Variants in CD274 observed in about 807,000 individuals in gnomAD.
The protein encoded by CD274 is CD274 molecule.
A neutral mutation model predicts 30.1 loss-of-function variants in CD274; 8 were observed. The ratio of observed to expected loss-of-function variants is 0.27; its 90% CI spans 0.16 to 0.48. The LOEUF is 0.48. Among genes scored for constraint, CD274 ranks in the 20% least tolerant of loss-of-function variants. The pLI, the probability that CD274 is intolerant of heterozygous loss-of-function variation, is 0.99. For missense variants in CD274, 353 were observed against 346.6 expected (o/e 1.02, Z -0.15); for synonymous variants, 152 against 124.6 (o/e 1.22, Z -1.46).
Position 5,468,375 on chromosome 9 carries a change from T to C in CD274, c.*513T>C, listed in dbSNP as rs543507323. On this transcript the variant is annotated 3_prime_UTR_variant, in exon 7 of 7. Coordinates refer to ENST00000381577, the MANE Select transcript of CD274 (RefSeq NM_014143.4). ...TCATGTGAGTGTGGTTGTGAATGAT[T>C]TCTTTTGAAGATATATTGTAGTAGA... The C allele has an allele frequency of 4.3e-6, 1 of 235,146 alleles. No individual in the cohort carries two copies. The highest frequency in any genetic ancestry group is 5.6e-5 in the Admixed American group (1 of 17,994). 14.6% of individuals were successfully genotyped at this position (235,146 alleles called of 1,614,324 possible).
chr9:5,464,189 CT>C (rs1819457910), intron 4 of CD274, among the ~76,000 whole-genome samples: 2 of 152,120 alleles, frequency 1.3e-5, no homozygotes, highest in African/African-American at 2.4e-5. Flanking sequence ...ATTGAACTGG[CT>C]TTCAGTAAAA....
chr9:5,466,940 G>A (rs1256377560), intron 6 of CD274, 111 bp downstream of exon 6: 1 of 773,304 alleles, frequency 1.3e-6, no homozygotes, highest in African/African-American at 1.8e-5. Flanking sequence ...AAAGAATGCT[G>A]GTTCCCCTTT....
chr9:5,463,338 G>T (rs1415183665), intron 4 of CD274: 1 of 558,722 alleles, frequency 1.8e-6, no homozygotes, highest in African/African-American at 1.9e-5. Context: ...TATACCTTTT[G>T]TTCCATGCAT....
intron 6 of CD274, 53 bp from the exon 7 acceptor site, chr9:5,467,787 C>T: frequency 2.1e-6 from 3 of 1,430,896 alleles, no homozygotes; most frequent in Non-Finnish European, 3.0e-6. Context: ...TTTCTTGTTA[C>T]TTTTTCCCCA....
chr9:5,465,788 G>A (rs1563805916), intron 5 of CD274, 182 bp downstream of exon 5: 1 of 490,842 alleles, frequency 2.0e-6, no homozygotes, highest in Non-Finnish European at 3.6e-6. Context: ...TAAGGGGTGA[G>A]GGGCAGGAGA....
intron 2 of CD274, among the ~76,000 whole-genome samples, chr9:5,456,741 A>G (rs1819311094): frequency 6.6e-6 from 1 of 152,256 alleles, no homozygotes; most frequent in Non-Finnish European, 1.5e-5. Flanking sequence ...GTGTCCTGTC[A>G]AAGGACATTC....
chr9:5,458,975 CATAAAGT>C (rs1819355381), intron 3 of CD274, among the ~76,000 whole-genome samples: 1 of 152,106 alleles, frequency 6.6e-6, no homozygotes, highest in Non-Finnish European at 1.5e-5. Flanking sequence ...AAGAAGGCAG[CATAAAGT>C]ATAAGTTTCT....
chr9:5,457,984 A>C (rs765519268), intron 3 of CD274, among the ~76,000 whole-genome samples: 2 of 152,262 alleles, frequency 1.3e-5, no homozygotes, highest in Non-Finnish European at 2.9e-5. Flanking sequence ...CACCCTATGA[A>C]GACAAAAAAT....
chr9:5,465,562 T>C lies in CD274; in HGVS notation c.746T>C (p.Leu249Ser). The C allele has an allele frequency of 6.2e-7, 1 of 1,611,236 alleles. No homozygotes were observed. The highest frequency in any genetic ancestry group is 8.5e-7 in the Non-Finnish European group (1 of 1,177,414). The change falls in exon 5 of 7, where the codon TTA (leucine) becomes TCA (serine). Residue 249 changes from leucine to serine, a missense_variant. Coordinates refer to ENST00000381577, the MANE Select transcript of CD274 (RefSeq NM_014143.4). ...TTGGTAATTCTGGGAGCCATCTTAT[T>C]ATGCCTTGGTGTAGCACTGACATTC... ...THLVILGAIL[L>S]CLGVALTFIF...
chr9:5,462,725 C>G, intron 3 of CD274, 109 bp from the exon 4 acceptor site: 1 of 1,013,030 alleles, frequency 9.9e-7, no homozygotes, highest in Non-Finnish European at 1.5e-6. Context: ...AAGCATATCC[C>G]TCTGAGAACC....
chr9:5,468,117 C>G lies in CD274; in HGVS notation c.*255C>G, dbSNP rs1316588860. 1 of 513,316 alleles carries G rather than the reference C, an allele frequency of 1.9e-6. No homozygotes were observed. Among genetic ancestry groups the G allele is most frequent in the African/African-American group, 1.9e-5 (1 of 52,050 alleles). 31.8% of individuals were successfully genotyped at this position (513,316 alleles called of 1,614,324 possible). A position where few individuals can be genotyped will look rare whatever the true frequency, so the allele number is the denominator to read the frequency against. Reference sequence around the variant, plus strand: ...CTGAGGGGCTCATCGACGCCTGTGACAGGGAGAAAGGATACTTCTGAACAA... The same window carrying G: ...CTGAGGGGCTCATCGACGCCTGTGAGAGGGAGAAAGGATACTTCTGAACAA... On this transcript the variant is annotated 3_prime_UTR_variant, in exon 7 of 7. Coordinates refer to ENST00000381577, the MANE Select transcript of CD274 (RefSeq NM_014143.4).
At chr9:5,457,767 C>G (rs1312337104) in intron 3 of CD274, among the ~76,000 whole-genome samples, 1 of 152,178 alleles carries the variant, frequency 6.6e-6, no homozygotes, top group Non-Finnish European at 1.5e-5. Context: ...AAAAGTGTCC[C>G]TCCTCCCTTC....
At chr9:5,452,548 C>G (rs1819226388) in intron 1 of CD274, among the ~76,000 whole-genome samples, 1 of 152,182 alleles carries the variant, frequency 6.6e-6, no homozygotes, top group African/African-American at 2.4e-5. Context: ...AGATGTCAGT[C>G]TTCTTCTCTT....
intron 1 of CD274, among the ~76,000 whole-genome samples, chr9:5,454,058 AC>A (rs1194323732): frequency 6.6e-6 from 1 of 152,194 alleles, no homozygotes; most frequent in Non-Finnish European, 1.5e-5. Context: ...TAAAAAATAA[AC>A]GAATGTTATT....
Position 5,462,776 on chromosome 9 carries a change from C to G in CD274, c.395-58C>G, listed in dbSNP as rs908066805. The G allele has an allele frequency of 4.1e-6, 6 of 1,481,262 alleles. No individual in the cohort carries two copies. The African/African-American group carries it at 8.4e-5, about 21-fold the overall frequency. The allele number at this position is 1,481,262 out of a possible 1,614,324, so 91.8% of individuals were successfully genotyped here. Reference sequence around the variant, plus strand: ...TCTTTCTAATGTGGACAGCATCAAGCTATGTACGTAGTTCTGTGCTCAGCA... The same window carrying G: ...TCTTTCTAATGTGGACAGCATCAAGGTATGTACGTAGTTCTGTGCTCAGCA... On this transcript the variant is annotated intron_variant, in intron 3 of 6. Coordinates refer to ENST00000381577, the MANE Select transcript of CD274 (RefSeq NM_014143.4).
rs1819298566 is a variant in CD274, at chr9:5,456,153, C to T, written c.40C>T (p.His14Tyr). 1.2e-6 allele frequency: 2 copies of T among 1,606,332 alleles called. No homozygotes were observed. The highest frequency in any genetic ancestry group is 1.1e-5 in the South Asian group (1 of 90,864). The change falls in exon 2 of 7, where the codon CAT becomes TAT. Residue 14 changes from histidine to tyrosine, a missense_variant. Coordinates refer to ENST00000381577, the MANE Select transcript of CD274 (RefSeq NM_014143.4). ...TGTCTTTATATTCATGACCTACTGG[C>T]ATTTGCTGAACGGTAAGACACCAAA... ...FAVFIFMTYW[H>Y]LLNAFTVTVP...
chr9:5,462,984 C>G lies in CD274; in HGVS notation c.545C>G (p.Thr182Ser), dbSNP rs555485716. The change falls in exon 4 of 7, where the codon ACC becomes AGC. Residue 182 changes from threonine (T) to serine (S), a missense_variant. Coordinates refer to ENST00000381577, the MANE Select transcript of CD274 (RefSeq NM_014143.4). Reference sequence around the variant, plus strand: ...GTCCTGAGTGGTAAGACCACCACCACCAATTCCAAGAGAGAGGAGAAGCTT... The same window carrying G: ...GTCCTGAGTGGTAAGACCACCACCAGCAATTCCAAGAGAGAGGAGAAGCTT... ...HQVLSGKTTT[T>S]NSKREEKLFN... The G allele has an allele frequency of 6.2e-7, 1 of 1,614,074 alleles. No individual in the cohort carries two copies. Among genetic ancestry groups the G allele is most frequent in the Non-Finnish European group, 8.5e-7 (1 of 1,179,952 alleles).
intron 3 of CD274, 73 bp from the exon 4 acceptor site, chr9:5,462,761 G>A (rs1819426581): frequency 1.9e-5 from 26 of 1,373,940 alleles, no homozygotes; most frequent in Non-Finnish European, 2.6e-5. Context: ...TCTTTCTAAT[G>A]TGGACAGCAT....
intron 1 of CD274, among the ~76,000 whole-genome samples, chr9:5,454,314 A>T (rs1294262740): frequency 6.6e-6 from 1 of 152,198 alleles, no homozygotes; most frequent in East Asian, 1.9e-4. Flanking sequence ...TTTAAAAACA[A>T]TAAAGAGTGA....
Sources: gnomAD v4.1 joint callset for allele counts (sites outside exome capture counted in the v4.1 genomes callset) on GRCh38, gnomAD v4.1.1 for gene constraint, MANE v1.5 for transcripts, NCBI Gene and HGNC (gene_info 2026-07-23, HGNC 2026-07-21) for gene names.